Variants in CHRM3 observed in about 807,000 individuals in gnomAD.
CHRM3 encodes the protein muscarinic acetylcholine receptor M3.
Under a neutral mutation model 41.8 loss-of-function variants are expected in CHRM3, and 11 were observed. The ratio of observed to expected loss-of-function variants is 0.26; its 90% CI spans 0.17 to 0.44. CHRM3 has a LOEUF of 0.44. Ranked by LOEUF, CHRM3 falls within the 20% of genes least tolerant of loss-of-function variation. The probability of loss-of-function intolerance (pLI) is 1.00; values close to 1 mark genes in which losing one functional copy is unlikely to be tolerated. For missense variants in CHRM3, 571 were observed against 745.4 expected (o/e 0.77, Z 2.72); for synonymous variants, 297 against 301.4 (o/e 0.99, Z 0.15).
chr1:239,608,334 C>T (rs886412111), intron 3 of CHRM3, among the ~76,000 whole-genome samples: 2 of 152,112 alleles, frequency 1.3e-5, no homozygotes, highest in African/African-American at 4.8e-5. Flanking sequence ...CATATGTCTC[C>T]CTCATTGTTC....
intron 3 of CHRM3, among the ~76,000 whole-genome samples, chr1:239,619,601 G>A (rs1463903144): frequency 6.6e-6 from 1 of 152,096 alleles, no homozygotes; most frequent in Non-Finnish European, 1.5e-5. Context: ...ATTTCATAGT[G>A]GTCCTTTAAG....
rs3028735 is a variant in CHRM3 at position 239,505,259 on chromosome 1, GGATGATGAT to G, written c.-422+12492_-422+12500del. ...CATATTGTTCAGTAACTGTTTCCTGGGATGATGATGATGATGATGATGATGATGATGATG... is the reference window on the plus strand; with the variant it reads ...CATATTGTTCAGTAACTGTTTCCTGGGATGATGATGATGATGATGATGATG... On this transcript the variant is annotated intron_variant, in intron 2 of 6. Transcript: ENST00000676153. 8.4e-3 allele frequency among the ~76,000 whole-genome samples: 1,220 copies of G among 144,884 alleles called. 17 individuals are homozygous for G. The highest frequency in any genetic ancestry group is 0.025 in the African/African-American group (973 of 39,236).
At chr1:239,709,600 T>A (rs376191490) in intron 5 of CHRM3, among the ~76,000 whole-genome samples, 6 of 152,314 alleles carry the variant, frequency 3.9e-5, no homozygotes, top group African/African-American at 7.2e-5. Context: ...ATGAATGAAT[T>A]CCTTTGTATA....
intron 3 of CHRM3, among the ~76,000 whole-genome samples, chr1:239,581,136 G>T (rs1412090648): frequency 6.6e-6 from 1 of 152,122 alleles, no homozygotes; most frequent in African/African-American, 2.4e-5. Context: ...TACCATCGTG[G>T]ACCCTGTACT....
At chr1:239,549,159 A>G (rs1659568201) in intron 3 of CHRM3, among the ~76,000 whole-genome samples, 1 of 152,096 alleles carries the variant, frequency 6.6e-6, no homozygotes, top group Admixed American at 6.6e-5. Context: ...ACCTGCCCCA[A>G]TGATTCAATT....
At chr1:239,727,058 G>A (rs1437408900) in intron 5 of CHRM3, among the ~76,000 whole-genome samples, 8 of 151,758 alleles carry the variant, frequency 5.3e-5, no homozygotes, top group Admixed American at 3.9e-4. Flanking sequence ...TTTCTCATGT[G>A]TATTATAGTG....
intron 5 of CHRM3, among the ~76,000 whole-genome samples, chr1:239,690,421 G>A (rs1352839519): frequency 6.6e-6 from 1 of 151,630 alleles, no homozygotes; most frequent in Admixed American, 6.6e-5. Flanking sequence ...TAGTAGAGAC[G>A]GGTTTCACCA....
chr1:239,887,358 T>G (rs888184212), intron 6 of CHRM3, among the ~76,000 whole-genome samples: 1 of 152,088 alleles, frequency 6.6e-6, no homozygotes, highest in Admixed American at 6.6e-5. Flanking sequence ...CCCGCCACCA[T>G]GCATGGATAA....
At position 239,591,361 on chromosome 1, in the gene CHRM3, G is replaced by C. The variant is rs145815345; in HGVS notation, c.-312-40863G>C. On this transcript the variant is annotated intron_variant, in intron 3 of 6. Coordinates refer to ENST00000676153, the MANE Select transcript of CHRM3 (RefSeq NM_001375978.1). ...TTACATCTCCTTCACCTTTGTCCCT[G>C]CTTTTCTGACATTTCCTGGCACAGA... is the stretch of plus-strand genomic sequence containing the variant. 6.1e-3 allele frequency among the ~76,000 whole-genome samples: 925 copies of C among 152,164 alleles called. 3 individuals are homozygous for C. Among genetic ancestry groups the C allele is most frequent in the South Asian group, 8.5e-3 (41 of 4,824 alleles).
At chr1:239,776,715 G>A (rs1174598432) in intron 5 of CHRM3, among the ~76,000 whole-genome samples, 1 of 152,124 alleles carries the variant, frequency 6.6e-6, no homozygotes, top group Non-Finnish European at 1.5e-5. Flanking sequence ...CCTGAGACTG[G>A]GTAATTTATA....
At chr1:239,459,458 A>G (rs2147869641) in intron 1 of CHRM3, among the ~76,000 whole-genome samples, 1 of 152,258 alleles carries the variant, frequency 6.6e-6, no homozygotes, top group Middle Eastern at 3.4e-3. Context: ...TTTACATTTC[A>G]TTTGCTTTCC....
chr1:239,581,371 G>A (rs1662882557), intron 3 of CHRM3, among the ~76,000 whole-genome samples: 1 of 144,734 alleles, frequency 6.9e-6, no homozygotes, highest in Non-Finnish European at 1.5e-5. Flanking sequence ...CAGCTATTAG[G>A]TGACAAAGTT....
At position 239,490,657 on chromosome 1, in the gene CHRM3, C is replaced by A. The variant is rs191023100; in HGVS notation, c.-520-2052C>A. On this transcript the variant is annotated intron_variant, in intron 1 of 6. Coordinates refer to ENST00000676153, the MANE Select transcript of CHRM3 (RefSeq NM_001375978.1). The stretch of plus-strand genomic sequence containing the variant: ...GCTCATTGCAGTCTGGAACTACTGG[C>A]CTCAAGCAATCCTTTGGCCTCAGCT... Among the ~76,000 whole-genome samples the A allele has an allele frequency of 5.1e-4, 77 of 152,196 alleles. 1 individual carries two copies. The highest frequency in any genetic ancestry group is 1.9e-3 in the African/African-American group (77 of 41,536).
chr1:239,388,741 G>C (rs750565108), intron 1 of CHRM3, among the ~76,000 whole-genome samples: 1 of 152,212 alleles, frequency 6.6e-6, no homozygotes, highest in African/African-American at 2.4e-5. Context: ...ATATCCCGAA[G>C]TATACATGTG....
chr1:239,833,750 G>A (rs1230224312), intron 6 of CHRM3, among the ~76,000 whole-genome samples: 1 of 152,158 alleles, frequency 6.6e-6, no homozygotes, highest in Admixed American at 6.6e-5. Flanking sequence ...ATTACTTTCA[G>A]CATAAAACTG....
intron 1 of CHRM3, among the ~76,000 whole-genome samples, chr1:239,467,769 T>C (rs575899363): frequency 6.6e-6 from 1 of 152,328 alleles, no homozygotes; most frequent in South Asian, 2.1e-4. Flanking sequence ...ATTTGAATCT[T>C]GGGATAAAGT....
At chr1:239,562,888 C>CAA (rs1269385069) in intron 3 of CHRM3, among the ~76,000 whole-genome samples, 6 of 51,194 alleles carry the variant, frequency 1.2e-4, no homozygotes, top group South Asian at 7.2e-4. Flanking sequence ...ACTCTGTCTC[C>CAA]AAAAAAAAAA....
intron 1 of CHRM3, among the ~76,000 whole-genome samples, chr1:239,474,699 G>A (rs913824284): frequency 6.6e-6 from 1 of 152,086 alleles, no homozygotes; most frequent in African/African-American, 2.4e-5. Flanking sequence ...AACTAATTTA[G>A]TGTAGTGAAA....
At chr1:239,761,644 G>A (rs970380855) in intron 5 of CHRM3, among the ~76,000 whole-genome samples, 2 of 152,168 alleles carry the variant, frequency 1.3e-5, no homozygotes, top group Admixed American at 6.5e-5. Context: ...ATGCTTCGGA[G>A]TGCTCGGCCA....
Sources: allele counts gnomAD v4.1 joint callset (sites outside exome capture counted in the v4.1 genomes callset), GRCh38; gene constraint gnomAD v4.1.1; transcripts MANE v1.5; gene names NCBI Gene and HGNC (gene_info 2026-07-23, HGNC 2026-07-21).